Variants in SCG5 observed in about 807,000 individuals in gnomAD.
SCG5 encodes neuroendocrine protein 7B2.
Under a neutral mutation model 25.7 loss-of-function variants are expected in SCG5, and 18 were observed. The ratio of observed to expected loss-of-function variants is 0.70; its 90% CI spans 0.48 to 1.04. The LOEUF is 1.04. SCG5 is among the 50% of genes least tolerant of loss of function. The pLI is 0.00. For synonymous variants in SCG5, 101 were observed against 91.7 expected, an observed-to-expected ratio of 1.10 and a Z score of -0.58; for missense variants, 206 against 259.8, an observed-to-expected ratio of 0.79 and a Z score of 1.42.
intron 2 of SCG5, among the ~76,000 whole-genome samples, chr15:32,645,645 G>A (rs1015102953): frequency 2.0e-5 from 3 of 152,068 alleles, no homozygotes; most frequent in Non-Finnish European, 4.4e-5. Flanking sequence ...TGAAGTTTGA[G>A]TAAGAGTTCA....
At chr15:32,664,776 A>T (rs1397020670) in intron 2 of SCG5, among the ~76,000 whole-genome samples, 1 of 152,172 alleles carries the variant, frequency 6.6e-6, no homozygotes, top group Non-Finnish European at 1.5e-5. Flanking sequence ...CTCTTATAAA[A>T]TGGAGGCCAT....
At chr15:32,656,231 T>C (rs2054114587) in intron 2 of SCG5, 3 of 152,210 alleles carry the variant, frequency 2.0e-5, no homozygotes, top group African/African-American at 7.2e-5. Flanking sequence ...CTCAGACATA[T>C]CTGTTCAAAA....
At chr15:32,693,055 A>T (rs187086707) in intron 5 of SCG5, among the ~76,000 whole-genome samples, 11 of 152,354 alleles carry the variant, frequency 7.2e-5, no homozygotes, top group Non-Finnish European at 1.2e-4. Flanking sequence ...TTGAGGGAAC[A>T]TCAAGAAATT....
At chr15:32,679,583 G>A (rs530645310) in intron 2 of SCG5, among the ~76,000 whole-genome samples, 183 bp from the exon 3 acceptor site, 2 of 152,294 alleles carry the variant, frequency 1.3e-5, no homozygotes, top group African/African-American at 4.8e-5. Context: ...AATAATATGT[G>A]TACAGTATGT....
At chr15:32,684,749 CAGA>C in intron 4 of SCG5, 80 bp downstream of exon 4, 2 of 831,992 alleles carry the variant, frequency 2.4e-6, no homozygotes, top group South Asian at 1.6e-5. Context: ...GCAATATGGG[CAGA>C]AGGAGAGAAG....
At chr15:32,678,714 C>A (rs1367927163) in intron 2 of SCG5, among the ~76,000 whole-genome samples, 9 of 151,958 alleles carry the variant, frequency 5.9e-5, no homozygotes. Flanking sequence ...GAAAATTAAT[C>A]CAAAATATGG....
chr15:32,696,674 T>C lies in SCG5; in HGVS notation c.*65T>C. On this transcript the variant is annotated 3_prime_UTR_variant, in exon 6 of 6. Transcript: ENST00000300175. ...CCTCAGCATGGCTTATGTGCACGTG[T>C]AAATGGAGTCCCTGTGAATGACAGC... is the stretch of plus-strand genomic sequence containing the variant. The C allele has an allele frequency of 6.4e-6, 6 of 934,562 alleles. No individual in the cohort carries two copies. Among genetic ancestry groups the C allele is most frequent in the Non-Finnish European group, 1.7e-6 (1 of 577,188 alleles). 57.9% of individuals were successfully genotyped at this position (934,562 alleles called of 1,614,324 possible).
chr15:32,646,034 G>A (rs966644196), intron 2 of SCG5, among the ~76,000 whole-genome samples: 2 of 151,842 alleles, frequency 1.3e-5, no homozygotes, highest in Non-Finnish European at 1.5e-5. Flanking sequence ...TAGCCAGGAT[G>A]GTCTCCATCT....
intron 2 of SCG5, among the ~76,000 whole-genome samples, chr15:32,652,085 A>G (rs1382851665): frequency 6.6e-6 from 1 of 152,168 alleles, no homozygotes; most frequent in Non-Finnish European, 1.5e-5. Context: ...AGAAAGATAG[A>G]GTGTAATGAA....
chr15:32,652,593 T>A (rs1052418947), intron 2 of SCG5, among the ~76,000 whole-genome samples: 1 of 152,090 alleles, frequency 6.6e-6, no homozygotes, highest in African/African-American at 2.4e-5. Context: ...CCTTCCTCCA[T>A]TGGGGAAAAA....
chr15:32,670,014 A>G (rs2140545898), intron 2 of SCG5, among the ~76,000 whole-genome samples: 1 of 152,388 alleles, frequency 6.6e-6, no homozygotes, highest in East Asian at 1.9e-4. Context: ...TGTGAAAGCT[A>G]CAAATGCAGT....
At chr15:32,693,323 G>A (rs1002419829) in intron 5 of SCG5, among the ~76,000 whole-genome samples, 1 of 152,222 alleles carries the variant, frequency 6.6e-6, no homozygotes, top group Non-Finnish European at 1.5e-5. Flanking sequence ...TAAGACACAT[G>A]CTATAAAGGA....
At chr15:32,642,050 T>C (rs529476411) in intron 1 of SCG5, among the ~76,000 whole-genome samples, 37 of 152,264 alleles carry the variant, frequency 2.4e-4, no homozygotes, top group African/African-American at 8.7e-4. Context: ...GAGCCTCGTG[T>C]CTGCCTCCAG....
At chr15:32,684,949 C>G (rs2054679621) in intron 4 of SCG5, among the ~76,000 whole-genome samples, 1 of 152,204 alleles carries the variant, frequency 6.6e-6, no homozygotes, top group Admixed American at 6.5e-5. Context: ...CTGTGTCATA[C>G]ACATCCTAAA....
intron 2 of SCG5, among the ~76,000 whole-genome samples, chr15:32,658,799 CA>C (rs1339468147): frequency 7.2e-5 from 11 of 152,246 alleles, no homozygotes; most frequent in African/African-American, 2.6e-4. Context: ...TTGTATTGGT[CA>C]AATACATGCA....
chr15:32,643,966 C>A, intron 2 of SCG5, 148 bp downstream of exon 2: 1 of 671,174 alleles, frequency 1.5e-6, no homozygotes, highest in Non-Finnish European at 2.5e-6. Context: ...ACTCTACTTT[C>A]TCATGGTTTT....
rs200621705 is a variant in SCG5 at position 32,696,516 on chromosome 15, T to G, written c.546T>G (p.Ser182Arg). 1 of 1,607,864 alleles carries G rather than the reference T, an allele frequency of 6.2e-7. No individual in the cohort carries two copies. The highest frequency in any genetic ancestry group is 1.3e-5 in the African/African-American group (1 of 74,960). ...MKGGERRKRR[S>R]VNPYLQGQRL... Reference sequence around the variant, plus strand: ...GTTTTTGTTTGTTTGTTTTTCAGAGTGTCAATCCATATCTACAAGGACAGA... The same window carrying G: ...GTTTTTGTTTGTTTGTTTTTCAGAGGGTCAATCCATATCTACAAGGACAGA... Residue 182 changes from serine to arginine, a missense_variant and splice_region_variant, in exon 6 of 6, where the codon AGT becomes AGG. By Grantham distance (110) the Ser-to-Arg change is moderately radical. Coordinates refer to ENST00000300175, the MANE Select transcript of SCG5 (RefSeq NM_001144757.3).
At chr15:32,695,070 CA>C (rs1475995667) in intron 5 of SCG5, among the ~76,000 whole-genome samples, 3 of 150,944 alleles carry the variant, frequency 2.0e-5, no homozygotes, top group Non-Finnish European at 4.4e-5. Flanking sequence ...GGCTGGACTG[CA>C]GTGGCGCAAT....
rs368617846 is a variant in SCG5 at position 32,651,114 on chromosome 15, G to A, written c.226+7296G>A. On this transcript the variant is annotated intron_variant, in intron 2 of 5. Transcript: ENST00000300175. ...CTCGGGAGGCTGAGGCAGGAGAATC[G>A]CTTGAACCCTAAAGGCAGAGATTGC... Among the ~76,000 whole-genome samples the A allele has an allele frequency of 7.9e-5, 12 of 152,262 alleles. No individual in the cohort carries two copies. The East Asian group carries it at 1.9e-3, about 25-fold the overall frequency.
Sources: gnomAD v4.1 joint callset for allele counts (sites outside exome capture counted in the v4.1 genomes callset) on GRCh38, gnomAD v4.1.1 for gene constraint, MANE v1.5 for transcripts, NCBI Gene and HGNC (gene_info 2026-07-23, HGNC 2026-07-21) for gene names.